Variants in THBS2 observed in about 807,000 individuals in gnomAD.
THBS2 encodes the protein thrombospondin-2.
A neutral mutation model predicts 135.2 loss-of-function variants in THBS2; 47 were observed. The ratio of observed to expected loss-of-function variants is 0.35; its 90% confidence interval spans 0.28 to 0.44. THBS2 has a LOEUF of 0.44. Among genes scored for constraint, THBS2 ranks in the 20% least tolerant of loss-of-function variants. The probability of loss-of-function intolerance (pLI) is 1.00; values close to 1 mark genes in which losing one functional copy is unlikely to be tolerated. For synonymous variants in THBS2, 639 were observed against 633.8 expected, an observed-to-expected ratio of 1.01 and a Z score of -0.12; for missense variants, 1,288 against 1,603.1, an observed-to-expected ratio of 0.80 and a Z score of 3.36.
chr6:169,243,354 G>T (rs1423926060), intron 4 of THBS2, among the ~76,000 whole-genome samples: 1 of 152,244 alleles, frequency 6.6e-6, no homozygotes, highest in Non-Finnish European at 1.5e-5. Flanking sequence ...CTGCGCAGTT[G>T]CAGTCAGGGC....
intron 3 of THBS2, among the ~76,000 whole-genome samples, 161 bp from the exon 4 acceptor site, chr6:169,246,442 G>A (rs1228560495): frequency 6.6e-6 from 1 of 152,174 alleles, no homozygotes; most frequent in Non-Finnish European, 1.5e-5. Flanking sequence ...CAGTTTTTCT[G>A]TATATAGTAC....
chr6:169,248,735 C>G lies in THBS2; in HGVS notation c.291G>C (p.Arg97Ser). 1 of 1,613,644 alleles carries G rather than the reference C, an allele frequency of 6.2e-7. No individual in the cohort carries two copies. Among genetic ancestry groups the G allele is most frequent in the Non-Finnish European group, 8.5e-7 (1 of 1,180,018 alleles). Residue 97 changes from arginine to serine, a missense_variant, in exon 3 of 22, where the codon AGG becomes AGC. By Grantham distance (110) the Arg-to-Ser change is moderately radical. Coordinates refer to ENST00000617924, the MANE Select transcript of THBS2 (RefSeq NM_003247.5). ...GGCCCTCCAGAGCCAACAGCGTGCC[C>G]CTGGACTTGCCGTCCTGCTTGAGCT... ...TAQLKQDGKS[R>S]GTLLALEGPG...
rs149660855 is a variant in THBS2, at chr6:169,224,760, T to A, written c.2773+385A>T. On this transcript the variant is annotated intron_variant, in intron 17 of 21. Transcript: ENST00000617924. ...TCACACTCGTGCCACTTTTGTTGGC[T>A]TTGCTTTCAAAAAAATCCTCCTTGT... Among the ~76,000 whole-genome samples the A allele has an allele frequency of 4.4e-3, 665 of 152,350 alleles. 4 individuals carry two copies. Among genetic ancestry groups the A allele is most frequent in the Middle Eastern group, 0.01 (3 of 294 alleles).
rs765780697 is a variant in THBS2 at position 169,241,437 on chromosome 6, GTA to G, written c.891+323_891+324del. Among the ~76,000 whole-genome samples, 93 of 145,596 alleles carry G rather than the reference GTA, an allele frequency of 6.4e-4. No homozygotes were observed. The highest frequency in any genetic ancestry group is 1.1e-3 in the Non-Finnish European group (73 of 65,988). On this transcript the variant is annotated intron_variant, in intron 5 of 21. Coordinates refer to ENST00000617924, the MANE Select transcript of THBS2 (RefSeq NM_003247.5). The surrounding 1 kb of genome is among the most constrained non-coding windows in gnomAD (Gnocchi z 5.5). Reference sequence around the variant, plus strand: ...TGTGTATGTGTGTGTATGTGTGTGTGTATGTGTGTGTGTGTGTGTACACTCAT... The same window carrying G: ...TGTGTATGTGTGTGTATGTGTGTGTGTGTGTGTGTGTGTGTGTACACTCAT...
At chr6:169,229,462 G>T in intron 14 of THBS2, 110 bp downstream of exon 14, 1 of 826,528 alleles carries the variant, frequency 1.2e-6, no homozygotes, top group Non-Finnish European at 2.0e-6. Context: ...ACAAACGCTT[G>T]CAGGACAATG....
In THBS2 at chr6:169,237,656, C is replaced by T; in HGVS notation, c.1269G>A (p.Arg423=). The part of the protein sequence containing the change: ...NTCLGPSIQT[R]ACSLSKCDTR... ...TGTCACACTTGCTCAGACTGCAAGC[C>T]CGTGTCTGGATGGAGGGCCCCAAGC... Residue 423 remains arginine, a synonymous_variant, in exon 8 of 22, where the codon CGG becomes CGA. Transcript: ENST00000617924. 1 of 1,612,978 alleles carries T rather than the reference C, an allele frequency of 6.2e-7. No homozygotes were observed.
At chr6:169,246,936 A>G (rs1186437399) in intron 3 of THBS2, among the ~76,000 whole-genome samples, 1 of 152,248 alleles carries the variant, frequency 6.6e-6, no homozygotes, top group Admixed American at 6.5e-5. Flanking sequence ...CTGCAGTTTA[A>G]GATTCATTTC....
intron 4 of THBS2, 154 bp downstream of exon 4, chr6:169,246,043 G>T: frequency 2.0e-6 from 1 of 498,252 alleles, no homozygotes; most frequent in Non-Finnish European, 3.6e-6. Flanking sequence ...GACCAGCTAA[G>T]TCACTCAAAG....
intron 15 of THBS2, among the ~76,000 whole-genome samples, chr6:169,226,584 C>T (rs556329573): frequency 2.6e-5 from 4 of 152,164 alleles, no homozygotes; most frequent in African/African-American, 4.8e-5. Context: ...GTGCTGTCGC[C>T]GTGTAAATCT....
chr6:169,245,547 C>T lies in THBS2; in HGVS notation c.694+650G>A, dbSNP rs576613915. Among the ~76,000 whole-genome samples the T allele has an allele frequency of 2.3e-3, 349 of 152,248 alleles. 1 individual carries two copies. Among genetic ancestry groups the T allele is most frequent in the Non-Finnish European group, 3.9e-3 (267 of 68,010 alleles). ...GTGGCTCACACCTGTAATCCCAGCA[C>T]TTTGGGAGGCCAAGGTGGGCAGATC... On this transcript the variant is annotated intron_variant, in intron 4 of 21. Coordinates refer to ENST00000617924, the MANE Select transcript of THBS2 (RefSeq NM_003247.5).
In THBS2 at chr6:169,248,951, C is replaced by T; in HGVS notation, c.75G>A (p.Thr25=). Residue 25 remains threonine, a synonymous_variant, in exon 3 of 22, where the codon ACG becomes ACA. Coordinates refer to ENST00000617924, the MANE Select transcript of THBS2 (RefSeq NM_003247.5). ...STQAGHQDKD[T]TFDLFSISNI... is the part of the protein sequence containing the mutation. ...TGCTGATACTGAAAAGGTCGAAGGT[C>T]GTGTCTTTGTCCTGGTGACCAGCTG... 6.2e-7 allele frequency: 1 copy of T among 1,608,194 alleles called. No individual in the cohort carries two copies. The highest frequency in any genetic ancestry group is 8.5e-7 in the Non-Finnish European group (1 of 1,176,110).
rs74360561 is a variant in THBS2, at chr6:169,225,610, A to G, written c.2539-231T>C. ...CACCCTCTGCCACCTCTCCACAGTA[A>G]TTCACTTCACTAAAGGAAGATGTGC... On this transcript the variant is annotated intron_variant, in intron 16 of 21. Transcript: ENST00000617924. Among the ~76,000 whole-genome samples, 910 of 152,322 alleles carry G rather than the reference A, an allele frequency of 6.0e-3. 6 individuals carry two copies. The highest frequency in any genetic ancestry group is 0.02 in the African/African-American group (849 of 41,570).
At chr6:169,251,454 T>C (rs1780751435) in intron 1 of THBS2, among the ~76,000 whole-genome samples, 1 of 152,218 alleles carries the variant, frequency 6.6e-6, no homozygotes, top group Non-Finnish European at 1.5e-5. Flanking sequence ...GGATTTTAAG[T>C]TGGCACAGCT....
intron 7 of THBS2, among the ~76,000 whole-genome samples, chr6:169,238,596 A>G (rs1429223610): frequency 6.6e-6 from 1 of 152,222 alleles, no homozygotes; most frequent in African/African-American, 2.4e-5. Context: ...CCTAACAGGC[A>G]CTTTTACGCA....
chr6:169,225,456 C>T, intron 16 of THBS2, 77 bp from the exon 17 acceptor site: 2 of 1,423,220 alleles, frequency 1.4e-6, no homozygotes, highest in Admixed American at 4.0e-5. Context: ...AGGACGCAAG[C>T]CTGAGAGCCG....
chr6:169,245,602 C>T (rs923451594), intron 4 of THBS2, among the ~76,000 whole-genome samples: 2 of 152,098 alleles, frequency 1.3e-5, no homozygotes, highest in African/African-American at 2.4e-5. Context: ...ACCATCTTGG[C>T]TAACACGCTG....
At chr6:169,237,036 C>G (rs1348758729) in intron 9 of THBS2, 134 bp downstream of exon 9, 5 of 1,010,352 alleles carry the variant, frequency 4.9e-6, no homozygotes, top group East Asian at 5.2e-5. Context: ...ATGGCAGCCC[C>G]CTTTGCTGCT....
intron 12 of THBS2, among the ~76,000 whole-genome samples, 165 bp downstream of exon 12, chr6:169,232,499 A>G (rs972602872): frequency 6.6e-6 from 1 of 152,078 alleles, no homozygotes; most frequent in Non-Finnish European, 1.5e-5. Context: ...CCGCGCGGAG[A>G]GCAGCGGCCC....
chr6:169,224,546 C>T (rs1779550790), intron 17 of THBS2, among the ~76,000 whole-genome samples: 1 of 152,240 alleles, frequency 6.6e-6, no homozygotes, highest in Non-Finnish European at 1.5e-5. Context: ...CAGCCAGGCC[C>T]CACTCCAAGT....
Sources: gnomAD v4.1 joint callset for allele counts (sites outside exome capture counted in the v4.1 genomes callset) on GRCh38, gnomAD v4.1.1 for gene constraint, Gnocchi (gnomAD v3.1) non-coding constraint, MANE v1.5 for transcripts, NCBI Gene and HGNC (gene_info 2026-07-23, HGNC 2026-07-21) for gene names.